Variants in FTCDNL1 observed in about 807,000 individuals in gnomAD.
The protein encoded by FTCDNL1 is formiminotransferase N-terminal subdomain-containing protein.
Under a neutral mutation model 5.9 loss-of-function variants are expected in FTCDNL1, and 11 were observed. The ratio of observed to expected loss-of-function variants is 1.87; its 90% CI spans 1.18 to 3.10. The LOEUF is 3.10. Among genes scored for constraint, FTCDNL1 ranks in the 30% most tolerant of loss-of-function variants. The pLI is 0.00. For synonymous variants in FTCDNL1, 58 were observed against 24.8 expected (o/e 2.34, Z -3.99); for missense variants, 115 against 65.5 (o/e 1.76, Z -2.61).
At chr2:199,713,662 A>G in the FTCDNL1 span, among the ~76,000 whole-genome samples, 2 of 152,210 alleles carry the variant, frequency 1.3e-5, no homozygotes, top group African/African-American at 2.4e-5. Flanking sequence ...TTAGTCTTAT[A>G]ATATTTGCAC....
chr2:199,739,472 T>C, the FTCDNL1 span, among the ~76,000 whole-genome samples: 2 of 152,220 alleles, frequency 1.3e-5, no homozygotes, highest in African/African-American at 2.4e-5. Flanking sequence ...AGTTTTTACA[T>C]TCAAAATCCA....
At chr2:199,731,158 A>C in the FTCDNL1 span, among the ~76,000 whole-genome samples, 2 of 152,208 alleles carry the variant, frequency 1.3e-5, no homozygotes, top group Non-Finnish European at 2.9e-5. Context: ...TCACATGGAC[A>C]CAGGGAGGGG....
At chr2:199,828,660 T>C (rs540721311) in intron 3 of FTCDNL1, among the ~76,000 whole-genome samples, 2 of 152,344 alleles carry the variant, frequency 1.3e-5, no homozygotes, top group African/African-American at 2.4e-5. Flanking sequence ...TTTTTATTGA[T>C]AGTATCAAAT....
the FTCDNL1 span, among the ~76,000 whole-genome samples, chr2:199,737,095 TGA>T: frequency 6.6e-6 from 1 of 152,224 alleles, no homozygotes; most frequent in East Asian, 1.9e-4. Context: ...CCACCTTGTC[TGA>T]GAGCTGTGAT....
At chr2:199,785,738 A>T (rs2106342069) in intron 3 of FTCDNL1, among the ~76,000 whole-genome samples, 2 of 152,256 alleles carry the variant, frequency 1.3e-5, no homozygotes, top group East Asian at 3.9e-4. Flanking sequence ...CAGCCTCCCA[A>T]GTACAGGTCC....
intron 3 of FTCDNL1, among the ~76,000 whole-genome samples, chr2:199,777,847 C>T (rs1699171235): frequency 1.3e-5 from 2 of 152,002 alleles, no homozygotes; most frequent in Non-Finnish European, 2.9e-5. Flanking sequence ...AAGGAGGGAG[C>T]GTGCAGGCTT....
intron 3 of FTCDNL1, among the ~76,000 whole-genome samples, chr2:199,777,993 T>C (rs375149835): frequency 1.6e-4 from 24 of 152,272 alleles, no homozygotes; most frequent in African/African-American, 5.8e-4. Flanking sequence ...TTAAAAAATA[T>C]AACGATAGAA....
intron 3 of FTCDNL1, among the ~76,000 whole-genome samples, chr2:199,835,131 T>G (rs1197362098): frequency 6.6e-6 from 1 of 152,034 alleles, no homozygotes; most frequent in Admixed American, 6.5e-5. Context: ...TGAGCTAGGA[T>G]TGCACTACTG....
At chr2:199,836,951 T>C (rs982802739) in intron 3 of FTCDNL1, among the ~76,000 whole-genome samples, 2 of 152,198 alleles carry the variant, frequency 1.3e-5, no homozygotes, top group Admixed American at 6.5e-5. Flanking sequence ...CCGATGGGGT[T>C]AACTTGCTTG....
In FTCDNL1 at chr2:199,811,357, T is replaced by G. The variant is rs1701026263; in HGVS notation, c.*1348A>C. On this transcript the variant is annotated 3_prime_UTR_variant, in exon 5 of 5. Coordinates refer to ENST00000420128, the MANE Select transcript of FTCDNL1 (RefSeq NM_001363886.2). ...CAATAAGTCATGTTACAAATAGCCT[T>G]ATGTCCTAAAATCTAATGTACTTAT... 6.6e-6 allele frequency among the ~76,000 whole-genome samples: 1 copy of G among 152,216 alleles called. No homozygotes were observed. Among genetic ancestry groups the G allele is most frequent in the South Asian group, 2.1e-4 (1 of 4,828 alleles).
chr2:199,725,088 A>T, the FTCDNL1 span, among the ~76,000 whole-genome samples: 1 of 152,210 alleles, frequency 6.6e-6, no homozygotes, highest in African/African-American at 2.4e-5. Context: ...ATATATATAT[A>T]GGATAGTTAG....
chr2:199,758,308 AAAC>A (rs1479597165), downstream of FTCDNL1, among the ~76,000 whole-genome samples: 3 of 151,046 alleles, frequency 2.0e-5, no homozygotes, highest in Non-Finnish European at 4.4e-5. Flanking sequence ...ATAAATGAGA[AAAC>A]AAACAAATAA....
At chr2:199,752,614 C>T in the FTCDNL1 span, among the ~76,000 whole-genome samples, 2 of 152,140 alleles carry the variant, frequency 1.3e-5, no homozygotes, top group Non-Finnish European at 2.9e-5. Flanking sequence ...TCGGCTCTCC[C>T]TCAACCTGCA....
chr2:199,667,906 GA>G, the FTCDNL1 span, among the ~76,000 whole-genome samples: 1 of 152,168 alleles, frequency 6.6e-6, no homozygotes, highest in Non-Finnish European at 1.5e-5. Flanking sequence ...TCAAGCATCT[GA>G]AAAGGTCTTG....
intron 3 of FTCDNL1, among the ~76,000 whole-genome samples, chr2:199,781,155 T>G (rs1034543741): frequency 2.6e-5 from 4 of 152,232 alleles, no homozygotes; most frequent in African/African-American, 7.2e-5. Context: ...TACTCAGACC[T>G]CCTTGTCTTT....
chr2:199,748,373 G>A, the FTCDNL1 span, among the ~76,000 whole-genome samples: 1 of 150,438 alleles, frequency 6.6e-6, no homozygotes, highest in Non-Finnish European at 1.5e-5. Context: ...ATTTTTTTTT[G>A]AAAACTATGT....
chr2:199,786,895 G>A (rs1023376210), intron 3 of FTCDNL1, among the ~76,000 whole-genome samples: 1 of 152,192 alleles, frequency 6.6e-6, no homozygotes, highest in Admixed American at 6.5e-5. Context: ...AAATCAAGGT[G>A]TCACCTGGGC....
the FTCDNL1 span, among the ~76,000 whole-genome samples, chr2:199,667,105 G>C: frequency 2.6e-5 from 4 of 151,922 alleles, no homozygotes; most frequent in African/African-American, 9.7e-5. Flanking sequence ...TCTATTCCTA[G>C]GAGGCTTTTT....
chr2:199,731,376 A>G, the FTCDNL1 span, among the ~76,000 whole-genome samples: 12 of 152,346 alleles, frequency 7.9e-5, no homozygotes, highest in Admixed American at 7.2e-4. Flanking sequence ...AATGTTTTTA[A>G]AATGGCATAC....
Sources: allele counts gnomAD v4.1 joint callset (sites outside exome capture counted in the v4.1 genomes callset), GRCh38; gene constraint gnomAD v4.1.1; transcripts MANE v1.5; gene names NCBI Gene and HGNC (gene_info 2026-07-23, HGNC 2026-07-21).